USP12: variants seen among roughly 807,000 people sequenced by gnomAD.
The protein encoded by USP12 is ubiquitin carboxyl-terminal hydrolase 12.
Under a neutral mutation model 45.5 loss-of-function variants are expected in USP12, and 19 were observed. The ratio of observed to expected loss-of-function variants is 0.42; its 90% CI spans 0.29 to 0.61. The LOEUF (loss-of-function observed/expected upper bound fraction) is 0.61, where lower values mean the gene tolerates loss of function less well. Among genes scored for constraint, USP12 ranks in the 20% least tolerant of loss-of-function variants. USP12 has a pLI of 0.22. For synonymous variants in USP12, 149 were observed against 148.8 expected (o/e 1.00, Z -0.01); for missense variants, 242 against 447.7 (o/e 0.54, Z 4.15).
At chr13:27,170,133 T>G (rs1373526586) in intron 1 of USP12, 2 of 394,702 alleles carry the variant, frequency 5.1e-6, no homozygotes, top group African/African-American at 4.1e-5. Context: ...ATACAAATGC[T>G]TTCCTAAAAT....
intron 1 of USP12, among the ~76,000 whole-genome samples, chr13:27,127,608 T>C (rs942304019): frequency 2.0e-5 from 3 of 152,182 alleles, no homozygotes; most frequent in Non-Finnish European, 4.4e-5. Flanking sequence ...TTCTCCCACC[T>C]ACCCTCCATA....
In USP12 at chr13:27,164,089, G is replaced by GA. The variant is rs34498931; in HGVS notation, c.48+7502dup. On this transcript the variant is annotated intron_variant, in intron 1 of 8. Coordinates refer to ENST00000282344, the MANE Select transcript of USP12 (RefSeq NM_182488.4). ...AAGCACTCTTTATCCCTACAAAAAG[G>GA]AAAAAAAAAAAAATCACTAGCATCA... is the stretch of plus-strand genomic sequence containing the variant. Among the ~76,000 whole-genome samples the GA allele has an allele frequency of 2.5e-3, 356 of 144,842 alleles. 3 individuals are homozygous for GA. The highest frequency in any genetic ancestry group is 2.4e-3 in the African/African-American group (93 of 38,844).
At chr13:27,126,405 AACAAACAGAAAGGAATAGC>A (rs2137806524) in intron 1 of USP12, among the ~76,000 whole-genome samples, 1 of 152,344 alleles carries the variant, frequency 6.6e-6, no homozygotes, top group South Asian at 2.1e-4. Context: ...AAGGAAAACA[AACAAACAGAAAGGAATAGC>A]ACAAACAGAT....
chr13:27,075,120 T>A, intron 7 of USP12, 71 bp downstream of exon 7: 1 of 1,443,794 alleles, frequency 6.9e-7, no homozygotes, highest in East Asian at 2.3e-5. Context: ...GAATAATTCA[T>A]GAACATCTTG....
intron 1 of USP12, among the ~76,000 whole-genome samples, chr13:27,133,213 CTT>C (rs1440037256): frequency 1.3e-5 from 2 of 152,144 alleles, no homozygotes; most frequent in Non-Finnish European, 1.5e-5. Flanking sequence ...GTTCAATAAA[CTT>C]AACGCAAACA....
intron 1 of USP12, among the ~76,000 whole-genome samples, chr13:27,117,509 T>C (rs1042716587): frequency 1.3e-5 from 2 of 151,252 alleles, no homozygotes; most frequent in Non-Finnish European, 2.9e-5. Context: ...GCATACTACA[T>C]AGGAGAGCCA....
intron 1 of USP12, chr13:27,117,934 G>T: frequency 2.6e-6 from 1 of 384,840 alleles, no homozygotes; most frequent in Non-Finnish European, 5.5e-6. Flanking sequence ...CTAAAATGTA[G>T]TTTGAAAGGG....
intron 6 of USP12, among the ~76,000 whole-genome samples, chr13:27,086,181 AAAAAAAAAAAAAAAAAATAT>A (rs1323305067): frequency 3.4e-5 from 1 of 29,444 alleles, no homozygotes; most frequent in Non-Finnish European, 6.3e-5. Flanking sequence ...CTTTAAAAAA[AAAAAAAAAAAAAAAAAATAT>A]ATATATATAT....
chr13:27,084,421 G>A (rs1306352268), intron 6 of USP12, among the ~76,000 whole-genome samples: 4 of 148,922 alleles, frequency 2.7e-5, no homozygotes, highest in East Asian at 2.0e-4. Flanking sequence ...CAGGAGAATC[G>A]CTTGAACCCG....
chr13:27,150,438 A>T (rs1248471564), intron 1 of USP12, among the ~76,000 whole-genome samples: 1 of 152,212 alleles, frequency 6.6e-6, no homozygotes, highest in Non-Finnish European at 1.5e-5. Flanking sequence ...AAAAGAAATT[A>T]AAGGAAATCT....
In USP12 at chr13:27,071,132, T is replaced by C; in HGVS notation, c.950A>G (p.His317Arg). 6.2e-7 allele frequency: 1 copy of C among 1,607,254 alleles called. No individual in the cohort carries two copies. Among genetic ancestry groups the C allele is most frequent in the Non-Finnish European group, 8.5e-7 (1 of 1,177,714 alleles). Reference sequence around the variant, plus strand: ...ATGACTCTTAACTATTGCAATATAATGGCCTCGATTGGGACCACTAAAACA... The same window carrying C: ...ATGACTCTTAACTATTGCAATATAACGGCCTCGATTGGGACCACTAAAACA... ...VHCGSGPNRG[H>R]YIAIVKSHDF... Residue 317 changes from histidine to arginine, a missense_variant, in exon 8 of 9, where the codon CAT (histidine) becomes CGT (arginine). By Grantham distance (29) the His-to-Arg change is conservative. Coordinates refer to ENST00000282344, the MANE Select transcript of USP12 (RefSeq NM_182488.4).
chr13:27,072,592 C>A lies in USP12; in HGVS notation c.933-1443G>T, dbSNP rs181787189. Among the ~76,000 whole-genome samples, 922 of 152,202 alleles carry A rather than the reference C, an allele frequency of 6.1e-3. 5 individuals are homozygous for A. The highest frequency in any genetic ancestry group is 0.017 in the Middle Eastern group (5 of 294). ...ATACCAACAACTGCTTGCCCAAATA[C>A]CCCTTCAGTACAATAGATAACTACT... On this transcript the variant is annotated intron_variant, in intron 7 of 8. Coordinates refer to ENST00000282344, the MANE Select transcript of USP12 (RefSeq NM_182488.4).
intron 1 of USP12, among the ~76,000 whole-genome samples, chr13:27,125,305 CT>C (rs1392606520): frequency 6.6e-6 from 1 of 151,868 alleles, no homozygotes; most frequent in Admixed American, 6.6e-5. Flanking sequence ...TAAAAATTAG[CT>C]TTTCATGATT....
chr13:27,117,900 C>T (rs527377855), intron 1 of USP12: 1 of 505,318 alleles, frequency 2.0e-6, no homozygotes, highest in African/African-American at 2.0e-5. Context: ...GGATGACACA[C>T]AAGCAGATAC....
At chr13:27,109,449 C>T (rs1163536764) in intron 2 of USP12, among the ~76,000 whole-genome samples, 2 of 152,068 alleles carry the variant, frequency 1.3e-5, no homozygotes, top group Non-Finnish European at 2.9e-5. Flanking sequence ...GACAATACCA[C>T]AAAGAAGGAA....
intron 3 of USP12, among the ~76,000 whole-genome samples, chr13:27,101,982 C>G (rs1233095557): frequency 6.6e-6 from 1 of 151,320 alleles, no homozygotes; most frequent in African/African-American, 2.4e-5. Flanking sequence ...ACCGTGCCTG[C>G]CACATAATGA....
intron 1 of USP12, among the ~76,000 whole-genome samples, chr13:27,148,676 T>TTTTA (rs370385217): frequency 0.053 from 7,342 of 139,410 alleles, 236 homozygotes; most frequent in Middle Eastern, 0.057. Flanking sequence ...AAAAAAAAAA[T>TTTTA]TATATATATA....
chr13:27,156,735 T>C (rs1036529529), intron 1 of USP12, among the ~76,000 whole-genome samples: 3 of 152,022 alleles, frequency 2.0e-5, no homozygotes, highest in Admixed American at 6.6e-5. Flanking sequence ...GCAGGAAGAA[T>C]TGCTTGAACC....
intron 2 of USP12, among the ~76,000 whole-genome samples, chr13:27,106,896 C>T (rs1274105761): frequency 1.3e-5 from 2 of 151,938 alleles, no homozygotes; most frequent in African/African-American, 4.8e-5. Flanking sequence ...CAAAAATAAA[C>T]AAAACCTAAA....
Sources: allele counts gnomAD v4.1 joint callset (sites outside exome capture counted in the v4.1 genomes callset), GRCh38; gene constraint gnomAD v4.1.1; transcripts MANE v1.5; gene names NCBI Gene and HGNC (gene_info 2026-07-23, HGNC 2026-07-21).